Variants in RGL1 observed in about 807,000 individuals in gnomAD.
RGL1 encodes the protein ral guanine nucleotide dissociation stimulator like 1.
RGL1 carries 24 observed loss-of-function variants against 95.2 expected under a neutral mutation model. That is an observed-to-expected ratio of 0.25 (90% CI 0.18 to 0.35). RGL1 has a LOEUF of 0.35. RGL1 is among the 10% of genes least tolerant of loss of function. The pLI is 1.00. For synonymous variants in RGL1, 329 were observed against 344.9 expected (o/e 0.95, Z 0.51); for missense variants, 715 against 936.3 (o/e 0.76, Z 3.08).
In RGL1 at chr1:183,790,533, G is replaced by T. The variant is rs549027223; in HGVS notation, c.133-15842G>T. Among the ~76,000 whole-genome samples, 9 of 152,254 alleles carry T rather than the reference G, an allele frequency of 5.9e-5. No homozygotes were observed. In the East Asian group the frequency reaches 1.7e-3, roughly 29 times the overall value. On this transcript the variant is annotated intron_variant, in intron 2 of 18. Coordinates refer to the RGL1 transcript ENST00000304685. ...GGGAAAGACTAATAACTTAGCCTTA[G>T]TTGGGTATGTATGACAAGAATGCCA...
chr1:183,745,340 G>A (rs1034401943), intron 2 of RGL1, among the ~76,000 whole-genome samples: 1 of 116,834 alleles, frequency 8.6e-6, no homozygotes, highest in African/African-American at 2.7e-5. Context: ...TTTTAATTTG[G>A]TAAAATTTAT....
At chr1:183,658,898 C>T (rs1368313941) in intron 1 of RGL1, among the ~76,000 whole-genome samples, 2 of 151,628 alleles carry the variant, frequency 1.3e-5, no homozygotes, top group East Asian at 1.9e-4. Flanking sequence ...TCACGGTTCA[C>T]GAAAATCTGC....
Position 183,742,926 on chromosome 1 carries a change from C to A in RGL1, c.132+637C>A, listed in dbSNP as rs149250461. On this transcript the variant is annotated intron_variant, in intron 2 of 18. Transcript: ENST00000304685. ...TGGAAAAGAGAATGGAGTTATTAAC[C>A]AGATCATGGAAAGGCCTAATTTCCC... Among the ~76,000 whole-genome samples the A allele has an allele frequency of 1.8e-3, 274 of 152,210 alleles. 6 individuals carry two copies. The East Asian group carries it at 0.042, about 23-fold the overall frequency.
intron 1 of RGL1, among the ~76,000 whole-genome samples, chr1:183,708,849 C>CAGGGTGGAAGGACACA (rs1192273605): frequency 6.6e-6 from 1 of 152,214 alleles, no homozygotes; most frequent in Non-Finnish European, 1.5e-5. Flanking sequence ...GACTACCGTC[C>CAGGGTGGAAGGACACA]AGGGTGGAAG....
At chr1:183,661,055 G>A (rs1209231985) in intron 1 of RGL1, among the ~76,000 whole-genome samples, 1 of 152,014 alleles carries the variant, frequency 6.6e-6, no homozygotes, top group Non-Finnish European at 1.5e-5. Flanking sequence ...CACATTCAAA[G>A]CAGTGTGTAG....
chr1:183,770,685 G>C (rs1221550341), intron 2 of RGL1, among the ~76,000 whole-genome samples: 3 of 152,178 alleles, frequency 2.0e-5, no homozygotes, highest in Non-Finnish European at 4.4e-5. Flanking sequence ...CAGGAAATAG[G>C]AAGTCAGGCG....
At chr1:183,640,954 G>T (rs578026529) in intron 1 of RGL1, among the ~76,000 whole-genome samples, 1 of 151,886 alleles carries the variant, frequency 6.6e-6, no homozygotes, top group Non-Finnish European at 1.5e-5. Flanking sequence ...CTTTTATGGG[G>T]ATCTAATGAT....
At chr1:183,885,608 A>T (rs1667065366) in intron 7 of RGL1, among the ~76,000 whole-genome samples, 1 of 152,174 alleles carries the variant, frequency 6.6e-6, no homozygotes, top group Admixed American at 6.5e-5. Context: ...TTATCTCATG[A>T]CTGAGAAAAT....
Position 183,733,125 on chromosome 1 carries a change from A to C in RGL1, c.-32-9001A>C, listed in dbSNP as rs143952909. Reference sequence around the variant, plus strand: ...GTAAGAGGAAAAAAACATGGAAACAAATTTTTTTTTAATGTTGGAGTGTCC... The same window carrying C: ...GTAAGAGGAAAAAAACATGGAAACACATTTTTTTTTAATGTTGGAGTGTCC... On this transcript the variant is annotated intron_variant, in intron 1 of 18. Transcript: ENST00000304685. 2.5e-3 allele frequency among the ~76,000 whole-genome samples: 385 copies of C among 152,240 alleles called. 4 individuals carry two copies. The highest frequency in any genetic ancestry group is 9.0e-3 in the African/African-American group (373 of 41,552).
intron 1 of RGL1, among the ~76,000 whole-genome samples, chr1:183,670,924 G>A (rs1184911751): frequency 6.6e-6 from 1 of 152,128 alleles, no homozygotes; most frequent in Non-Finnish European, 1.5e-5. Flanking sequence ...TCATACTTCT[G>A]TAAGAACTGC....
rs911966204 is a variant in RGL1 at position 183,724,637 on chromosome 1, C to T, written c.-32-17489C>T. Among the ~76,000 whole-genome samples, 1 of 152,028 alleles carries T rather than the reference C, an allele frequency of 6.6e-6. No homozygotes were observed. Among genetic ancestry groups the T allele is most frequent in the Non-Finnish European group, 1.5e-5 (1 of 67,996 alleles). ...CTTTATATTGTAGTTTGGGTGTCAG[C>T]ACAGCAGCAGTAGAATAGAGCACCA... On this transcript the variant is annotated intron_variant, in intron 1 of 18. Coordinates refer to the RGL1 transcript ENST00000304685. The surrounding 1 kb of genome is among the most constrained non-coding windows in gnomAD (Gnocchi z 4.1).
At chr1:183,805,987 T>TTTTTTTTTTTTTTTTTTTTTTTTTC in intron 1 of RGL1, among the ~76,000 whole-genome samples, 1 of 60,486 alleles carries the variant, frequency 1.7e-5, no homozygotes, top group Non-Finnish European at 3.0e-5. Context: ...TTTTTTTTTT[T>TTTTTTTTTTTTTTTTTTTTTTTTTC]TTTTTTTTTT....
intron 4 of RGL1, among the ~76,000 whole-genome samples, chr1:183,873,600 C>T (rs1279169443): frequency 6.6e-6 from 1 of 152,164 alleles, no homozygotes; most frequent in Non-Finnish European, 1.5e-5. Context: ...TTTTTCTCCG[C>T]ATTTGCCTAT....
At chr1:183,829,419 C>T (rs956872378) in intron 2 of RGL1, among the ~76,000 whole-genome samples, 36 of 147,844 alleles carry the variant, frequency 2.4e-4, no homozygotes, top group African/African-American at 7.5e-4. Context: ...CCAGCCTAGG[C>T]GACAGAACAA....
At chr1:183,735,378 C>T (rs906008362) in intron 1 of RGL1, among the ~76,000 whole-genome samples, 1 of 152,046 alleles carries the variant, frequency 6.6e-6, no homozygotes, top group African/African-American at 2.4e-5. Context: ...ATGCTTAATT[C>T]CTTCTTCCAG....
chr1:183,709,813 G>A, intron 1 of RGL1: 1 of 192,718 alleles, frequency 5.2e-6, no homozygotes, highest in Non-Finnish European at 1.1e-5. Flanking sequence ...GAGGGAGATG[G>A]ACACCTTCAT....
intron 1 of RGL1, among the ~76,000 whole-genome samples, chr1:183,665,727 A>T (rs186717614): frequency 1.3e-5 from 2 of 152,142 alleles, no homozygotes; most frequent in East Asian, 3.9e-4. Context: ...CGTAGTGATG[A>T]TGTCCCCTCT....
chr1:183,771,104 A>G (rs1659249529), intron 2 of RGL1, among the ~76,000 whole-genome samples: 1 of 152,190 alleles, frequency 6.6e-6, no homozygotes, highest in South Asian at 2.1e-4. Context: ...CTTCTCCAAG[A>G]GGATAAAATG....
At position 183,904,811 on chromosome 1, in the gene RGL1, G is replaced by A. The variant is rs1286959803; in HGVS notation, c.1351-39G>A. ...TATATTTGGTTGGCCTTATTATTCA[G>A]TCTTTTTTTTTTAATTTTTGGTATT... On this transcript the variant is annotated intron_variant, in intron 12 of 17. Coordinates refer to ENST00000360851, the MANE Select transcript of RGL1 (RefSeq NM_001297671.3). The A allele has an allele frequency of 1.9e-6, 3 of 1,569,756 alleles. No individual in the cohort carries two copies. In the Admixed American group the frequency reaches 5.9e-5, roughly 31 times the overall value.
Sources: allele counts gnomAD v4.1 joint callset (sites outside exome capture counted in the v4.1 genomes callset), GRCh38; gene constraint gnomAD v4.1.1; non-coding constraint Gnocchi (gnomAD v3.1); transcripts MANE v1.5; gene names NCBI Gene and HGNC (gene_info 2026-07-23, HGNC 2026-07-21).